LRP1B: variants seen among roughly 807,000 people sequenced by gnomAD.
The protein encoded by LRP1B is LDL receptor related protein 1B, also known as low-density lipoprotein receptor-related protein 1B.
Under a neutral mutation model 556.6 loss-of-function variants are expected in LRP1B, and 217 were observed. The observed-to-expected ratio is 0.39, with a 90% CI of 0.35 to 0.44. The LOEUF (loss-of-function observed/expected upper bound fraction) is 0.44. LRP1B is among the 20% of genes least tolerant of loss of function. The pLI, the probability that LRP1B is intolerant of heterozygous loss-of-function variation, is 1.00. For missense variants in LRP1B, 5,053 were observed against 5,620.8 expected (o/e 0.90, Z 3.23); for synonymous variants, 2,047 against 1,865.8 (o/e 1.10, Z -2.50).
At chr2:140,460,977 C>T (rs1354769888) in intron 60 of LRP1B, among the ~76,000 whole-genome samples, 1 of 151,184 alleles carries the variant, frequency 6.6e-6, no homozygotes, top group Non-Finnish European at 1.5e-5. Context: ...AAGTGGCCAT[C>T]GCTTGAACCC....
intron 2 of LRP1B, among the ~76,000 whole-genome samples, chr2:141,553,140 G>T (rs1043111980): frequency 6.6e-6 from 1 of 151,822 alleles, no homozygotes; most frequent in African/African-American, 2.4e-5. Flanking sequence ...AAAGACAATG[G>T]CTGTCTACTT....
At chr2:140,404,070 C>T (rs530212350) in intron 66 of LRP1B, among the ~76,000 whole-genome samples, 1 of 151,622 alleles carries the variant, frequency 6.6e-6, no homozygotes, top group Non-Finnish European at 1.5e-5. Context: ...CAAACAAATG[C>T]TTAGGGAATT....
intron 2 of LRP1B, among the ~76,000 whole-genome samples, chr2:141,538,896 C>A (rs1685153934): frequency 6.6e-6 from 1 of 152,296 alleles, no homozygotes; most frequent in South Asian, 2.1e-4. Context: ...GCACTGGCCT[C>A]CCAAAATGCT....
intron 2 of LRP1B, among the ~76,000 whole-genome samples, chr2:141,518,468 G>A (rs1303953955): frequency 1.3e-5 from 2 of 152,146 alleles, no homozygotes; most frequent in Non-Finnish European, 2.9e-5. Context: ...ACAATTTCAA[G>A]TGAAGAAATT....
intron 18 of LRP1B, among the ~76,000 whole-genome samples, chr2:140,970,407 T>C (rs2105328267): frequency 6.6e-6 from 1 of 152,306 alleles, no homozygotes; most frequent in South Asian, 2.1e-4. Flanking sequence ...CACTTGTTAT[T>C]CTAGTTAGCC....
intron 17 of LRP1B, among the ~76,000 whole-genome samples, chr2:140,988,551 C>A (rs544291979): frequency 6.6e-6 from 1 of 151,628 alleles, no homozygotes; most frequent in African/African-American, 2.4e-5. Context: ...ATACTCTTAC[C>A]GTGCTGGAAA....
chr2:141,694,448 C>T (rs1558809316), intron 2 of LRP1B, among the ~76,000 whole-genome samples: 1 of 152,016 alleles, frequency 6.6e-6, no homozygotes, highest in African/African-American at 2.4e-5. Context: ...GTTCTGAGAA[C>T]TTCTTGTGTA....
chr2:141,346,194 CTT>C (rs1270786834), intron 3 of LRP1B, among the ~76,000 whole-genome samples: 1 of 151,730 alleles, frequency 6.6e-6, no homozygotes, highest in Non-Finnish European at 1.5e-5. Context: ...CATTGATAGA[CTT>C]TTCTCAAATA....
intron 7 of LRP1B, among the ~76,000 whole-genome samples, chr2:141,173,496 C>G (rs570050011): frequency 6.6e-6 from 1 of 152,126 alleles, no homozygotes; most frequent in Non-Finnish European, 1.5e-5. Context: ...ACCCATGCTA[C>G]ACATGGCATT....
At chr2:141,530,488 T>C (rs1684833671) in intron 2 of LRP1B, among the ~76,000 whole-genome samples, 1 of 152,014 alleles carries the variant, frequency 6.6e-6, no homozygotes, top group South Asian at 2.1e-4. Context: ...TACCAATAAA[T>C]GGTTATTGAA....
intron 7 of LRP1B, among the ~76,000 whole-genome samples, chr2:141,132,010 C>T (rs954454534): frequency 6.6e-6 from 1 of 151,990 alleles, no homozygotes; most frequent in Non-Finnish European, 1.5e-5. Flanking sequence ...CCCAGAGCCT[C>T]CAGAGTTCAT....
At position 140,619,957 on chromosome 2, in the gene LRP1B, C is replaced by T. The variant is rs867886436; in HGVS notation, c.6800-18318G>A. 2.7e-4 allele frequency among the ~76,000 whole-genome samples: 41 copies of T among 152,128 alleles called. No homozygotes were observed. The Middle Eastern group carries it at 0.014, about 51-fold the overall frequency. ...TGCCTTCAATATAGATATTTTTAAA[C>T]ATCATATTTTTTCTATAAATTTAAA... is the stretch of plus-strand genomic sequence containing the variant. On this transcript the variant is annotated intron_variant, in intron 41 of 90. Transcript: ENST00000389484.
At chr2:140,976,094 A>AT (rs1696587761) in intron 18 of LRP1B, among the ~76,000 whole-genome samples, 1 of 151,508 alleles carries the variant, frequency 6.6e-6, no homozygotes, top group Non-Finnish European at 1.5e-5. Flanking sequence ...ATTTTTTTGT[A>AT]TTTTTTGTAG....
chr2:140,756,461 T>A (rs776285567), intron 35 of LRP1B, among the ~76,000 whole-genome samples: 2 of 152,084 alleles, frequency 1.3e-5, no homozygotes, highest in African/African-American at 2.4e-5. Flanking sequence ...TCAAGACAAT[T>A]GATACTCATA....
At chr2:141,136,630 C>A (rs1389534755) in intron 7 of LRP1B, among the ~76,000 whole-genome samples, 2 of 129,314 alleles carry the variant, frequency 1.5e-5, no homozygotes, top group Admixed American at 8.0e-5. Flanking sequence ...AAGTGATGAG[C>A]AAAAAAAAAA....
chr2:140,811,942 T>C (rs1429356), intron 32 of LRP1B, among the ~76,000 whole-genome samples: 39,375 of 151,788 alleles, frequency 0.26, 5,402 homozygotes, highest in South Asian at 0.33. Flanking sequence ...CAAAAGAAAA[T>C]TGGAGACTTA....
intron 1 of LRP1B, among the ~76,000 whole-genome samples, chr2:141,934,339 A>G (rs1013458876): frequency 6.6e-6 from 1 of 152,160 alleles, no homozygotes; most frequent in African/African-American, 2.4e-5. Context: ...ATGTATTAAA[A>G]GAAATGTTTT....
chr2:141,199,418 T>C (rs17527366), intron 6 of LRP1B, among the ~76,000 whole-genome samples: 56,034 of 151,956 alleles, frequency 0.37, 11,657 homozygotes, highest in Middle Eastern at 0.57. Flanking sequence ...TCTGCACTTT[T>C]TTCCCCAAAA....
At chr2:141,342,672 C>CA in intron 3 of LRP1B, among the ~76,000 whole-genome samples, 1 of 151,762 alleles carries the variant, frequency 6.6e-6, no homozygotes, top group Non-Finnish European at 1.5e-5. Context: ...AAGATTAGAG[C>CA]AAAAAGAATG....
Sources: gnomAD v4.1 joint callset for allele counts (sites outside exome capture counted in the v4.1 genomes callset) on GRCh38, gnomAD v4.1.1 for gene constraint, MANE v1.5 for transcripts, NCBI Gene and HGNC (gene_info 2026-07-23, HGNC 2026-07-21) for gene names.